The following ALG9 variants were observed in gnomAD, a reference collection of about 807,000 sequenced individuals.
ALG9 encodes the protein ALG9 alpha-1,2-mannosyltransferase, also known as alpha-1,2-mannosyltransferase ALG9.
In ALG9, 55 loss-of-function variants were observed where a neutral mutation model predicts 81.8. That is an observed-to-expected ratio of 0.67 (90% CI 0.54 to 0.84). ALG9 has a LOEUF of 0.84. ALG9 is among the 40% of genes least tolerant of loss of function. The pLI, the probability that ALG9 is intolerant of heterozygous loss-of-function variation, is 0.00. For synonymous variants in ALG9, 278 were observed against 274.3 expected, an observed-to-expected ratio of 1.01 and a Z score of -0.13; for missense variants, 629 against 745.0, an observed-to-expected ratio of 0.84 and a Z score of 1.81.
chr11:111,828,426 T>A (rs1487505157), intron 13 of ALG9, among the ~76,000 whole-genome samples: 1 of 152,232 alleles, frequency 6.6e-6, no homozygotes, highest in Admixed American at 6.5e-5. Flanking sequence ...CGTACTTGCC[T>A]TGTGCACTGC....
chr11:111,809,358 T>C (rs549642460), intron 14 of ALG9, among the ~76,000 whole-genome samples: 57 of 152,086 alleles, frequency 3.7e-4, no homozygotes, highest in Non-Finnish European at 6.6e-4. Flanking sequence ...GGTAAAACCC[T>C]GTCTCTACCA....
chr11:111,836,658 A>T (rs1955327602), intron 12 of ALG9: 1 of 327,280 alleles, frequency 3.1e-6, no homozygotes, highest in Non-Finnish European at 5.9e-6. Context: ...ATGAAATGTA[A>T]TATATGGCAC....
At chr11:111,864,514 C>T (rs1400344404) in intron 4 of ALG9, 2 of 667,218 alleles carry the variant, frequency 3.0e-6, no homozygotes, top group Admixed American at 4.4e-5. Context: ...AGTGGATATT[C>T]AAAAGAGAGC....
chr11:111,859,417 G>A (rs1592357336), intron 5 of ALG9, among the ~76,000 whole-genome samples: 1 of 151,906 alleles, frequency 6.6e-6, no homozygotes. Context: ...CAAGAGAATC[G>A]CTTGAACCTT....
chr11:111,809,506 T>G, intron 14 of ALG9, 137 bp downstream of exon 14: 1 of 1,004,834 alleles, frequency 1.0e-6, no homozygotes, highest in East Asian at 2.6e-5. Flanking sequence ...GGCAACAGAG[T>G]GAGACTCCAT....
intron 13 of ALG9, among the ~76,000 whole-genome samples, chr11:111,821,438 G>T (rs1215032191): frequency 5.9e-5 from 9 of 152,138 alleles, no homozygotes; most frequent in African/African-American, 2.2e-4. Context: ...TCTCTACCAT[G>T]CCAGACTAGA....
chr11:111,862,256 T>TTTA (rs530844324), intron 4 of ALG9, among the ~76,000 whole-genome samples: 2 of 150,718 alleles, frequency 1.3e-5, no homozygotes, highest in African/African-American at 2.4e-5. Flanking sequence ...TTTTTTTTTT[T>TTTA]AGAGAGAGTC....
At position 111,864,591 on chromosome 11, in the gene ALG9, T is replaced by G. The variant is rs1555150928; in HGVS notation, c.476+590A>C. On this transcript the variant is annotated intron_variant, in intron 4 of 14. Coordinates refer to ENST00000616540, the MANE Select transcript of ALG9 (RefSeq NM_024740.2). ...GTGCTGTAATATACGAACTTCTAGT[T>G]TCATCAGTCTTTAACATCTACCTCT... 12 of 518,516 alleles carry G rather than the reference T, an allele frequency of 2.3e-5. No homozygotes were observed. In the South Asian group the frequency reaches 3.1e-4, roughly 13 times the overall value. The allele number at this position is 518,516 out of a possible 1,614,324, so 32.1% of individuals were successfully genotyped here.
intron 13 of ALG9, among the ~76,000 whole-genome samples, chr11:111,820,969 A>C (rs1438253486): frequency 1.3e-5 from 2 of 151,306 alleles, no homozygotes; most frequent in African/African-American, 4.9e-5. Context: ...GGTGGTGTGC[A>C]CCTGTAATCC....
At chr11:111,806,288 T>A (rs1591920223) in intron 14 of ALG9, among the ~76,000 whole-genome samples, 3 of 152,190 alleles carry the variant, frequency 2.0e-5, no homozygotes, top group African/African-American at 7.2e-5. Flanking sequence ...CTTGTCCATA[T>A]TTGCTACACC....
chr11:111,769,831 G>A, the ALG9 span, among the ~76,000 whole-genome samples: 1 of 152,072 alleles, frequency 6.6e-6, no homozygotes, highest in Non-Finnish European at 1.5e-5. Flanking sequence ...GCGATTCAAG[G>A]AATAACTATG....
intron 4 of ALG9, among the ~76,000 whole-genome samples, chr11:111,861,540 T>C (rs1960135101): frequency 6.6e-6 from 1 of 152,180 alleles, no homozygotes; most frequent in Non-Finnish European, 1.5e-5. Flanking sequence ...GGCATGGTCA[T>C]AGCTCACTGT....
chr11:111,844,193 T>C (rs1592234936), intron 9 of ALG9, among the ~76,000 whole-genome samples: 1 of 152,204 alleles, frequency 6.6e-6, no homozygotes, highest in East Asian at 1.9e-4. Context: ...TTAGTAGAGA[T>C]GGGGTTTCAC....
At chr11:111,840,209 C>G (rs1458568570) in intron 10 of ALG9, among the ~76,000 whole-genome samples, 4 of 152,144 alleles carry the variant, frequency 2.6e-5, no homozygotes, top group African/African-American at 9.7e-5. Context: ...GCCGTAAGTA[C>G]AGAGATATTC....
Position 111,837,577 on chromosome 11 carries a change from G to A in ALG9, c.1363C>T (p.Arg455Ter), listed in dbSNP as rs782775735. 1.4e-5 allele frequency: 22 copies of A among 1,613,926 alleles called. No homozygotes were observed. Among genetic ancestry groups the A allele is most frequent in the Non-Finnish European group, 1.9e-5 (22 of 1,179,994 alleles). ...GPLDLYPEFY[R>*]IATDPTIHTV... ...TGGATGGTTGGGTCTGTAGCAATTC[G>A]GTAAAATTCTGGATACAAATCAAGG... Residue 455 changes from arginine to a stop codon, truncating the protein, a stop_gained, in exon 12 of 15, where the codon CGA becomes TGA. Coordinates refer to ENST00000616540, the MANE Select transcript of ALG9 (RefSeq NM_024740.2). LOFTEE classifies it high-confidence loss of function.
Position 111,865,205 on chromosome 11 carries a change from C to T in ALG9, c.452G>A (p.Cys151Tyr). The part of the protein sequence containing the change: ...FLRCLLAFVS[C>Y]ICELYFYKAV... ...CTTGTAAAAGTAAAGTTCACAAATA[C>T]AGCTCACAAAAGCCAGAAGACATCG... The change falls in exon 4 of 15, where the codon TGT becomes TAT. Residue 151 changes from cysteine to tyrosine, a missense_variant. Physicochemically the swap from Cys to Tyr is radical, Grantham distance 194 (BLOSUM62 -2). Transcript: ENST00000616540. The T allele has an allele frequency of 1.9e-6, 3 of 1,549,912 alleles. No homozygotes were observed. Among genetic ancestry groups the T allele is most frequent in the Non-Finnish European group, 2.6e-6 (3 of 1,147,048 alleles).
At chr11:111,832,318 C>T (rs1954511667) in intron 13 of ALG9, among the ~76,000 whole-genome samples, 1 of 152,022 alleles carries the variant, frequency 6.6e-6, no homozygotes, top group African/African-American at 2.4e-5. Context: ...GCTATGTTGT[C>T]CAGGCTGGAG....
At chr11:111,811,688 C>T (rs889964239) in intron 13 of ALG9, among the ~76,000 whole-genome samples, 1 of 151,978 alleles carries the variant, frequency 6.6e-6, no homozygotes, top group African/African-American at 2.4e-5. Flanking sequence ...AGGTCTGATA[C>T]AGCCTATGCC....
rs1338740922 is a variant in ALG9 at position 111,784,896 on chromosome 11, C to T, written c.*1501G>A. On this transcript the variant is annotated 3_prime_UTR_variant, in exon 15 of 15. Transcript: ENST00000616540. Reference sequence around the variant, plus strand: ...GCTGCAAAAGAACATGACTTCCAAACAGAAGCACTACTTTCCTGCCACAGG... The same window carrying T: ...GCTGCAAAAGAACATGACTTCCAAATAGAAGCACTACTTTCCTGCCACAGG... 6.6e-6 allele frequency: 1 copy of T among 152,326 alleles called. No homozygotes were observed. Among genetic ancestry groups the T allele is most frequent in the African/African-American group, 2.4e-5 (1 of 41,450 alleles). The allele number at this position is 152,326 out of a possible 1,614,324, so 9.4% of individuals were successfully genotyped here.
Sources: gnomAD v4.1 joint callset for allele counts (sites outside exome capture counted in the v4.1 genomes callset) on GRCh38, gnomAD v4.1.1 for gene constraint, MANE v1.5 for transcripts, NCBI Gene and HGNC (gene_info 2026-07-23, HGNC 2026-07-21) for gene names.